The following SHCBP1L variants were observed in gnomAD, a reference collection of about 807,000 sequenced individuals.
SHCBP1L encodes SHC binding and spindle associated 1 like.
Under a neutral mutation model 62.5 loss-of-function variants are expected in SHCBP1L, and 67 were observed. The observed-to-expected ratio is 1.07, with a 90% CI of 0.88 to 1.31. The LOEUF (loss-of-function observed/expected upper bound fraction) is 1.31, where lower values mean the gene tolerates loss of function less well. Ranked by LOEUF, SHCBP1L falls within the 40% of genes most tolerant of loss-of-function variation. SHCBP1L has a pLI of 0.00. For synonymous variants in SHCBP1L, 284 were observed against 289.4 expected (o/e 0.98, Z 0.19); for missense variants, 823 against 809.8 (o/e 1.02, Z -0.20).
chr1:182,922,097 T>C (rs1303212026), intron 6 of SHCBP1L, among the ~76,000 whole-genome samples: 1 of 152,170 alleles, frequency 6.6e-6, no homozygotes, highest in Admixed American at 6.5e-5. Flanking sequence ...CAAGAAGAAT[T>C]AACTATCTTA....
At chr1:182,900,992 TATAAC>T (rs959782196) in intron 9 of SHCBP1L, among the ~76,000 whole-genome samples, 14 of 152,358 alleles carry the variant, frequency 9.2e-5, no homozygotes, top group East Asian at 3.9e-4. Context: ...GCTGATCTCT[TATAAC>T]ATAATAAACA....
At chr1:182,929,799 C>T (rs890809679) in intron 5 of SHCBP1L, 47 bp from the exon 6 acceptor site, 2 of 1,287,354 alleles carry the variant, frequency 1.6e-6, no homozygotes, top group Non-Finnish European at 2.2e-6. Flanking sequence ...ATGAAAAAGA[C>T]TGACCTTGTC....
At chr1:182,931,479 T>A (rs778105293) in intron 5 of SHCBP1L, among the ~76,000 whole-genome samples, 1 of 152,168 alleles carries the variant, frequency 6.6e-6, no homozygotes, top group Non-Finnish European at 1.5e-5. Flanking sequence ...TCAATCACAA[T>A]AATAAAGATA....
intron 5 of SHCBP1L, among the ~76,000 whole-genome samples, chr1:182,935,660 A>G (rs1651142478): frequency 6.6e-6 from 1 of 151,774 alleles, no homozygotes; most frequent in Non-Finnish European, 1.5e-5. Flanking sequence ...TTCTTGTCTT[A>G]TTGCATTATT....
chr1:182,951,243 C>T, intron 2 of SHCBP1L, 75 bp downstream of exon 2: 1 of 1,197,662 alleles, frequency 8.3e-7, no homozygotes, highest in African/African-American at 1.5e-5. Context: ...TATCAATCTC[C>T]AAATAATAAA....
At position 182,900,246 on chromosome 1, in the gene SHCBP1L, T is replaced by C; in HGVS notation, c.1711-12A>G. 1 of 1,526,548 alleles carries C rather than the reference T, an allele frequency of 6.6e-7. No homozygotes were observed. Among genetic ancestry groups the C allele is most frequent in the Non-Finnish European group, 8.8e-7 (1 of 1,136,560 alleles). 94.6% of individuals were successfully genotyped at this position (1,526,548 alleles called of 1,614,324 possible). ...GGTGCTGGAAGAACCTATTAAATTA[T>C]TTGAGGAAATTAGTTTTTCAATGAT... On this transcript the variant is annotated splice_polypyrimidine_tract_variant and intron_variant, in intron 9 of 9. Coordinates refer to ENST00000367547, the MANE Select transcript of SHCBP1L (RefSeq NM_030933.4).
intron 5 of SHCBP1L, among the ~76,000 whole-genome samples, chr1:182,931,938 C>T (rs1014096360): frequency 7.8e-6 from 1 of 127,760 alleles, no homozygotes; most frequent in African/African-American, 3.7e-5. Context: ...ACTTGGGAAC[C>T]ACTGATTTTT....
intron 7 of SHCBP1L, among the ~76,000 whole-genome samples, chr1:182,904,865 G>A (rs1649964501): frequency 6.6e-6 from 1 of 151,782 alleles, no homozygotes; most frequent in South Asian, 2.1e-4. Flanking sequence ...TCCCACCTCA[G>A]CCTCCCAAGT....
chr1:182,909,041 G>T (rs1231481180), intron 6 of SHCBP1L, among the ~76,000 whole-genome samples: 1 of 152,088 alleles, frequency 6.6e-6, no homozygotes, highest in East Asian at 1.9e-4. Context: ...ACTCATTTGT[G>T]CAGGTATTAC....
intron 6 of SHCBP1L, among the ~76,000 whole-genome samples, chr1:182,908,209 T>C (rs929042744): frequency 7.3e-6 from 1 of 137,104 alleles, no homozygotes; most frequent in Non-Finnish European, 1.6e-5. Context: ...GTTCGTTTAT[T>C]GCATCCAGGT....
chr1:182,940,649 T>G (rs1220699168), intron 2 of SHCBP1L, 106 bp from the exon 3 acceptor site: 3 of 844,866 alleles, frequency 3.6e-6, no homozygotes, highest in Non-Finnish European at 5.3e-6. Flanking sequence ...TCTTTTAAAT[T>G]TATGACTTCT....
chr1:182,900,580 G>A (rs1330235198), intron 9 of SHCBP1L, among the ~76,000 whole-genome samples: 1 of 152,140 alleles, frequency 6.6e-6, no homozygotes, highest in Non-Finnish European at 1.5e-5. Context: ...TACAAGGCGC[G>A]TGCCACCACA....
At chr1:182,905,746 G>T (rs148550200) in intron 6 of SHCBP1L, 97 bp from the exon 7 acceptor site, 3 of 1,139,454 alleles carry the variant, frequency 2.6e-6, no homozygotes, top group Non-Finnish European at 3.7e-6. Flanking sequence ...TTTCCCAAAA[G>T]ACTTATCATT....
chr1:182,932,609 C>T (rs1651043249), intron 5 of SHCBP1L, among the ~76,000 whole-genome samples: 1 of 152,052 alleles, frequency 6.6e-6, no homozygotes, highest in Admixed American at 6.5e-5. Flanking sequence ...ATTCTCCTGC[C>T]TCAGCCTCCC....
chr1:182,929,975 G>A (rs1650905794), intron 5 of SHCBP1L, among the ~76,000 whole-genome samples: 1 of 152,006 alleles, frequency 6.6e-6, no homozygotes, highest in South Asian at 2.1e-4. Context: ...CATTTTAATT[G>A]ATAGTACCTG....
chr1:182,928,770 T>C (rs972199780), intron 6 of SHCBP1L, among the ~76,000 whole-genome samples: 1 of 152,134 alleles, frequency 6.6e-6, no homozygotes, highest in African/African-American at 2.4e-5. Flanking sequence ...TTGCAGACAA[T>C]TAATTGATGT....
chr1:182,953,085 T>C lies in SHCBP1L; in HGVS notation c.49A>G (p.Ile17Val), dbSNP rs774908932. 18 of 1,564,996 alleles carry C rather than the reference T, an allele frequency of 1.2e-5. No individual in the cohort carries two copies. The South Asian group carries it at 2.1e-4, about 18-fold the overall frequency. ...ASVPADSFRT[I>V]SPDRRGEKSA... ...TTCTCGCCTCGCCTGTCCGGGCTGA[T>C]GGTGCGGAATGAGTCCGCGGGCACC... Residue 17 changes from isoleucine to valine, a missense_variant, in exon 1 of 10, where the codon ATC (isoleucine) becomes GTC (valine). Physicochemically the swap from Ile to Val is conservative, Grantham distance 29. Coordinates refer to ENST00000367547, the MANE Select transcript of SHCBP1L (RefSeq NM_030933.4).
chr1:182,949,702 AAAAAGAAAAAGG>A (rs1413827561), intron 2 of SHCBP1L, among the ~76,000 whole-genome samples: 1 of 152,198 alleles, frequency 6.6e-6, no homozygotes, highest in African/African-American at 2.4e-5. Flanking sequence ...ATCTTGAAAA[AAAAAGAAAAAGG>A]AAAAGAAACA....
Position 182,951,310 on chromosome 1 carries a change from T to G in SHCBP1L, c.555+8A>C. 5 of 1,526,912 alleles carry G rather than the reference T, an allele frequency of 3.3e-6. No homozygotes were observed. Among genetic ancestry groups the G allele is most frequent in the Middle Eastern group, 3.6e-4 (2 of 5,632 alleles). 94.6% of individuals were successfully genotyped at this position (1,526,912 alleles called of 1,614,324 possible). On this transcript the variant is annotated splice_region_variant and intron_variant, in intron 2 of 9. Transcript: ENST00000367547. ...AAAAAGAACAAAGATCAAATAAAAT[T>G]TATTTACCTCAACCAATATACCAAC... is the stretch of plus-strand genomic sequence containing the variant.
Sources: gnomAD v4.1 joint callset for allele counts (sites outside exome capture counted in the v4.1 genomes callset) on GRCh38, gnomAD v4.1.1 for gene constraint, MANE v1.5 for transcripts, NCBI Gene and HGNC (gene_info 2026-07-23, HGNC 2026-07-21) for gene names.